Variants in ATP13A4 observed in about 807,000 individuals in gnomAD.
ATP13A4 encodes probable cation-transporting ATPase 13A4.
ATP13A4 carries 114 observed loss-of-function variants against 142.5 expected under a neutral mutation model. The observed-to-expected ratio is 0.80, with a 90% CI of 0.69 to 0.93. The LOEUF is 0.93. Among genes scored for constraint, ATP13A4 ranks in the 40% least tolerant of loss-of-function variants. The probability of loss-of-function intolerance (pLI) is 0.00; values close to 1 mark genes in which losing one functional copy is unlikely to be tolerated. For synonymous variants in ATP13A4, 488 were observed against 514.8 expected (o/e 0.95, Z 0.70); for missense variants, 1,392 against 1,454.0 (o/e 0.96, Z 0.69).
chr3:193,545,223 C>A (rs1418353458), intron 1 of ATP13A4, among the ~76,000 whole-genome samples: 1 of 152,044 alleles, frequency 6.6e-6, no homozygotes, highest in Admixed American at 6.6e-5. Context: ...ACTCAAGTAC[C>A]AGAGTTTCAA....
intron 1 of ATP13A4, among the ~76,000 whole-genome samples, chr3:193,522,768 C>T (rs116288838): frequency 2.8e-4 from 42 of 152,326 alleles, no homozygotes; most frequent in African/African-American, 9.9e-4. Flanking sequence ...GCAAGAGGGA[C>T]TCCACCCAAT....
At chr3:193,462,846 T>G in intron 12 of ATP13A4, 23 bp from the exon 13 acceptor site, 1 of 1,612,112 alleles carries the variant, frequency 6.2e-7, no homozygotes, top group Non-Finnish European at 8.5e-7. Flanking sequence ...AAATGCTCCA[T>G]TTACTCTGAA....
intron 1 of ATP13A4, among the ~76,000 whole-genome samples, chr3:193,548,868 C>A (rs569377401): frequency 6.6e-6 from 1 of 152,284 alleles, no homozygotes; most frequent in African/African-American, 2.4e-5. Context: ...GTTTACCGTG[C>A]TTTTCCACTG....
At chr3:193,438,759 AAAGAAATGAG>A (rs1716451257) in intron 22 of ATP13A4, among the ~76,000 whole-genome samples, 175 bp from the exon 23 acceptor site, 1 of 152,212 alleles carries the variant, frequency 6.6e-6, no homozygotes, top group African/African-American at 2.4e-5. Flanking sequence ...ATACCTAGCC[AAAGAAATGAG>A]AACTCCAGAA....
rs1714239860 is a variant in ATP13A4 at position 193,400,926 on chromosome 3, A to T, written c.*1726T>A. 6.6e-6 allele frequency among the ~76,000 whole-genome samples: 1 copy of T among 152,166 alleles called. No individual in the cohort carries two copies. Among genetic ancestry groups the T allele is most frequent in the Non-Finnish European group, 1.5e-5 (1 of 68,016 alleles). ...ATATCATTGCTGAGGCTGGCTTTGC[A>T]AAAGGAAACATTTCTTTCTGTACCA... On this transcript the variant is annotated 3_prime_UTR_variant, in exon 30 of 30. Transcript: ENST00000342695.
intron 8 of ATP13A4, among the ~76,000 whole-genome samples, chr3:193,473,157 C>A (rs1718719060): frequency 6.6e-6 from 1 of 152,110 alleles, no homozygotes; most frequent in African/African-American, 2.4e-5. Context: ...TCTTCTTGTG[C>A]CATTAAGTAA....
chr3:193,510,691 G>A (rs969738600), intron 2 of ATP13A4, among the ~76,000 whole-genome samples: 1 of 151,912 alleles, frequency 6.6e-6, no homozygotes, highest in Non-Finnish European at 1.5e-5. Flanking sequence ...AATAAACTGT[G>A]TACTGTAGAC....
At chr3:193,484,229 A>G (rs1719473266) in intron 7 of ATP13A4, among the ~76,000 whole-genome samples, 1 of 151,982 alleles carries the variant, frequency 6.6e-6, no homozygotes, top group South Asian at 2.1e-4. Context: ...AGCAGAAAGG[A>G]ATTTCCCAGC....
chr3:193,489,200 G>A (rs192600479), intron 7 of ATP13A4, among the ~76,000 whole-genome samples: 20 of 152,270 alleles, frequency 1.3e-4, no homozygotes, highest in East Asian at 7.7e-4. Context: ...AGCCTTGTCC[G>A]GATGAGGTTG....
Position 193,420,802 on chromosome 3 carries a change from GAGCA to G in ATP13A4, c.2843-6056_2843-6053del, listed in dbSNP as rs917090921. Among the ~76,000 whole-genome samples the G allele has an allele frequency of 1.3e-5, 2 of 149,152 alleles. 1 individual carries two copies. The highest frequency in any genetic ancestry group is 3.0e-5 in the Non-Finnish European group (2 of 67,722). ...AATAGAGAGTTTTAATAGCAGACTA[GAGCA>G]AGCAGAAGAAAGAATCTCTGAATTT... On this transcript the variant is annotated intron_variant, in intron 25 of 29. Transcript: ENST00000342695.
At chr3:193,510,649 T>G (rs1321351739) in intron 2 of ATP13A4, among the ~76,000 whole-genome samples, 4 of 152,198 alleles carry the variant, frequency 2.6e-5, no homozygotes, top group Non-Finnish European at 5.9e-5. Flanking sequence ...GAAAAATCTC[T>G]CAGAGTCCTT....
At chr3:193,586,244 GA>G (rs969780542) in intron 1 of ATP13A4, among the ~76,000 whole-genome samples, 6 of 152,022 alleles carry the variant, frequency 3.9e-5, no homozygotes, top group Admixed American at 1.3e-4. Context: ...TCCTTTGTCA[GA>G]TATACGTTCT....
chr3:193,439,049 A>T lies in ATP13A4; in HGVS notation c.2536T>A (p.Cys846Ser). The change falls in exon 22 of 30, where the codon TGT becomes AGT. Residue 846 changes from cysteine (C) to serine (S), a missense_variant. By Grantham distance (112) the Cys-to-Ser change is moderately radical (BLOSUM62 -1). Transcript: ENST00000342695. ...FQKLDYFVGM[C>S]GDGANDCGAL... is the part of the protein sequence containing the mutation. Reference sequence around the variant, plus strand: ...CCACAGTCATTGGCTCCATCACCACACATACCTACAAAGTAACTAAGAGGG... The same window carrying T: ...CCACAGTCATTGGCTCCATCACCACTCATACCTACAAAGTAACTAAGAGGG... The T allele has an allele frequency of 6.2e-7, 1 of 1,609,376 alleles. No individual in the cohort carries two copies. Among genetic ancestry groups the T allele is most frequent in the Non-Finnish European group, 8.5e-7 (1 of 1,175,646 alleles).
chr3:193,412,406 G>GA, intron 26 of ATP13A4, 35 bp from the exon 27 acceptor site: 1 of 1,590,544 alleles, frequency 6.3e-7, no homozygotes, highest in South Asian at 1.1e-5. Flanking sequence ...AATGAAGTAA[G>GA]ATTGCAAGGC....
At chr3:193,426,220 C>G (rs186694129) in intron 25 of ATP13A4, among the ~76,000 whole-genome samples, 147 of 151,764 alleles carry the variant, frequency 9.7e-4, no homozygotes, top group African/African-American at 3.4e-3. Flanking sequence ...TTCTGTACAC[C>G]AGCAGTGAAC....
intron 9 of ATP13A4, among the ~76,000 whole-genome samples, chr3:193,470,499 G>T (rs143652615): frequency 1.3e-5 from 2 of 152,216 alleles, no homozygotes; most frequent in African/African-American, 4.8e-5. Context: ...TTAAAAACAT[G>T]CTTTATTTAA....
chr3:193,527,439 C>T (rs1577052871), intron 1 of ATP13A4, among the ~76,000 whole-genome samples: 1 of 152,128 alleles, frequency 6.6e-6, no homozygotes, highest in Middle Eastern at 3.4e-3. Flanking sequence ...TGGTGAAACC[C>T]CGTCTCTACT....
In ATP13A4 at chr3:193,466,090, G is replaced by C. The variant is rs759026687; in HGVS notation, c.1207C>G (p.Leu403Val). Residue 403 changes from leucine to valine, a missense_variant, in exon 11 of 30, where the codon CTG becomes GTG. Coordinates refer to ENST00000342695, the MANE Select transcript of ATP13A4 (RefSeq NM_032279.4). ...QLYRDAIRFLLCLVGTATIGM... is the reference protein window; with the variant it reads ...QLYRDAIRFLVCLVGTATIGM... Reference sequence around the variant, plus strand: ...ATGGTGGCTGTTCCTACAAGGCACAGGAGGAACCTGATGGCATCCCTGTAC... The same window carrying C: ...ATGGTGGCTGTTCCTACAAGGCACACGAGGAACCTGATGGCATCCCTGTAC... 7.4e-6 allele frequency: 12 copies of C among 1,614,170 alleles called. 1 individual carries two copies. In the South Asian group the frequency reaches 1.1e-4, roughly 15 times the overall value.
intron 18 of ATP13A4, among the ~76,000 whole-genome samples, chr3:193,444,154 A>G (rs1237797885): frequency 1.3e-5 from 2 of 152,216 alleles, no homozygotes; most frequent in East Asian, 3.8e-4. Flanking sequence ...AACTGCTAAA[A>G]ATCAAAGATA....
Sources: gnomAD v4.1 joint callset for allele counts (sites outside exome capture counted in the v4.1 genomes callset) on GRCh38, gnomAD v4.1.1 for gene constraint, MANE v1.5 for transcripts, NCBI Gene and HGNC (gene_info 2026-07-23, HGNC 2026-07-21) for gene names.